The following GNAI1 variants were observed in gnomAD, a reference collection of about 807,000 sequenced individuals.
GNAI1 encodes the protein guanine nucleotide-binding protein G(i) subunit alpha-1.
A neutral mutation model predicts 38.9 loss-of-function variants in GNAI1; 11 were observed. That is an observed-to-expected ratio of 0.28 (90% confidence interval 0.18 to 0.47). The LOEUF (loss-of-function observed/expected upper bound fraction) is 0.47, where lower values mean the gene tolerates loss of function less well. GNAI1 is among the 20% of genes least tolerant of loss of function. The probability of loss-of-function intolerance (pLI) is 0.99; values close to 1 mark genes in which losing one functional copy is unlikely to be tolerated. For missense variants in GNAI1, 317 were observed against 436.9 expected, an observed-to-expected ratio of 0.73 and a Z score of 2.45; for synonymous variants, 166 against 145.1, an observed-to-expected ratio of 1.14 and a Z score of -1.04.
chr7:80,154,772 TATTTAC>T (rs1406769668), intron 1 of GNAI1, among the ~76,000 whole-genome samples: 2 of 152,214 alleles, frequency 1.3e-5, no homozygotes, highest in Admixed American at 1.3e-4. Flanking sequence ...TTGAAAATGG[TATTTAC>T]ATTTGCAAGA....
chr7:80,212,199 G>A (rs78645351), intron 6 of GNAI1, among the ~76,000 whole-genome samples: 13,341 of 152,150 alleles, frequency 0.088, 1,007 homozygotes, highest in East Asian at 0.41. Flanking sequence ...ACTATAAAAT[G>A]TATCAGTGCC....
intron 1 of GNAI1, among the ~76,000 whole-genome samples, chr7:80,167,437 G>T (rs2116146221): frequency 6.6e-6 from 1 of 152,262 alleles, no homozygotes; most frequent in African/African-American, 2.4e-5. Flanking sequence ...TTCACCTGGA[G>T]TAGTAGCTCC....
intron 6 of GNAI1, among the ~76,000 whole-genome samples, chr7:80,211,314 C>G (rs112367215): frequency 1.3e-5 from 2 of 152,094 alleles, no homozygotes; most frequent in African/African-American, 4.8e-5. Context: ...GTAAGCTTAA[C>G]TATGCATTTC....
chr7:80,179,374 TC>T (rs1788251945), intron 1 of GNAI1, among the ~76,000 whole-genome samples: 1 of 152,190 alleles, frequency 6.6e-6, no homozygotes, highest in African/African-American at 2.4e-5. Context: ...GATGTCCATT[TC>T]TAACCAAATC....
chr7:80,162,585 A>G (rs1356875320), intron 1 of GNAI1, among the ~76,000 whole-genome samples: 1 of 152,182 alleles, frequency 6.6e-6, no homozygotes, highest in East Asian at 1.9e-4. Flanking sequence ...TCAGCTTTAT[A>G]TTTTCGAAGA....
chr7:80,177,504 A>G (rs984502655), intron 1 of GNAI1, among the ~76,000 whole-genome samples: 1 of 152,112 alleles, frequency 6.6e-6, no homozygotes, highest in Non-Finnish European at 1.5e-5. Context: ...GTTTTTAGAG[A>G]CAAGATCTTG....
chr7:80,197,900 AC>A (rs1788608206), intron 3 of GNAI1, among the ~76,000 whole-genome samples: 1 of 152,044 alleles, frequency 6.6e-6, no homozygotes, highest in Admixed American at 6.6e-5. Flanking sequence ...TCTCTTCTAT[AC>A]CCCTTATAAT....
intron 1 of GNAI1, among the ~76,000 whole-genome samples, chr7:80,149,960 A>G (rs1787695641): frequency 6.6e-6 from 1 of 152,154 alleles, no homozygotes. Flanking sequence ...TACATACCCT[A>G]ACAAAGTGGG....
At chr7:80,135,358 C>T (rs937664702) in intron 1 of GNAI1, 80 bp downstream of exon 1, 3 of 848,914 alleles carry the variant, frequency 3.5e-6, no homozygotes, top group Non-Finnish European at 4.9e-6. Context: ...TTTGGAAACC[C>T]GGAGGGAAGG....
At chr7:80,201,108 A>G (rs1788678974) in intron 4 of GNAI1, among the ~76,000 whole-genome samples, 1 of 152,206 alleles carries the variant, frequency 6.6e-6, no homozygotes, top group African/African-American at 2.4e-5. Context: ...CTTGTTTAAT[A>G]ATGAATGAAT....
intron 1 of GNAI1, among the ~76,000 whole-genome samples, chr7:80,180,563 C>G (rs1477631974): frequency 6.6e-6 from 1 of 152,050 alleles, no homozygotes; most frequent in African/African-American, 2.4e-5. Flanking sequence ...GTACAGATGC[C>G]TCATTAACCT....
rs1172192097 is a variant in GNAI1, at chr7:80,223,010, ATC to A, written c.*5520_*5521del. Among the ~76,000 whole-genome samples the A allele has an allele frequency of 1.3e-5, 2 of 152,232 alleles. No homozygotes were observed. The highest frequency in any genetic ancestry group is 1.5e-5 in the Non-Finnish European group (1 of 68,036). On this transcript the variant is annotated 3_prime_UTR_variant, in exon 8 of 8. Transcript: ENST00000649796. ...TAAAGCCTATTTTACAATAAAGGAT[ATC>A]TCATGTAATTTTCTTGGATACTGTA...
chr7:80,141,722 C>G (rs1787529430), intron 1 of GNAI1, among the ~76,000 whole-genome samples: 1 of 152,228 alleles, frequency 6.6e-6, no homozygotes, highest in Middle Eastern at 3.4e-3. Context: ...TCACCTTTTT[C>G]CTGTCCCGTT....
rs904186942 is a variant in GNAI1, at chr7:80,223,333, A to G, written c.*5840A>G. 6.6e-6 allele frequency among the ~76,000 whole-genome samples: 1 copy of G among 152,306 alleles called. No individual in the cohort carries two copies. The highest frequency in any genetic ancestry group is 2.1e-4 in the South Asian group (1 of 4,816). ...TTGTTTTTGCTAAATTAGACATACA[A>G]TTTTGCAGTTATTTTTTACTAAGTT... On this transcript the variant is annotated 3_prime_UTR_variant, in exon 8 of 8. Coordinates refer to ENST00000649796, the MANE Select transcript of GNAI1 (RefSeq NM_002069.6).
At position 80,221,020 on chromosome 7, in the gene GNAI1, C is replaced by T. The variant is rs1196657837; in HGVS notation, c.*3527C>T. Among the ~76,000 whole-genome samples the T allele has an allele frequency of 2.6e-5, 4 of 152,228 alleles. No homozygotes were observed. Among genetic ancestry groups the T allele is most frequent in the African/African-American group, 7.2e-5 (3 of 41,528 alleles). ...AGTTACCATTTTTTACATCATTTGC[C>T]GTTTGCAGAACCACCTTATGTAAAT... is the stretch of plus-strand genomic sequence containing the variant. On this transcript the variant is annotated 3_prime_UTR_variant, in exon 8 of 8. Coordinates refer to ENST00000649796, the MANE Select transcript of GNAI1 (RefSeq NM_002069.6).
chr7:80,161,700 TG>T (rs1787926644), intron 1 of GNAI1, among the ~76,000 whole-genome samples: 1 of 152,200 alleles, frequency 6.6e-6, no homozygotes, highest in Non-Finnish European at 1.5e-5. Context: ...GTTTCTAAAG[TG>T]GGAGCTCCAC....
At position 80,154,570 on chromosome 7, in the gene GNAI1, T is replaced by A. The variant is rs193183295; in HGVS notation, c.118+19292T>A. On this transcript the variant is annotated intron_variant, in intron 1 of 7. Transcript: ENST00000649796. ...CTGGGGCTTCAGTTTTTATTTGGAT[T>A]CTTCTTACATAAACAAGCCTCTAGC... Among the ~76,000 whole-genome samples the A allele has an allele frequency of 2.3e-3, 353 of 152,322 alleles. 3 individuals carry two copies. The highest frequency in any genetic ancestry group is 8.1e-3 in the African/African-American group (336 of 41,586).
chr7:80,202,899 C>T (rs1219229353), intron 4 of GNAI1, among the ~76,000 whole-genome samples: 1 of 152,302 alleles, frequency 6.6e-6, no homozygotes, highest in South Asian at 2.1e-4. Flanking sequence ...GGGGCAGTGT[C>T]ATTCCTTTTC....
At chr7:80,160,034 T>A (rs1198588474) in intron 1 of GNAI1, among the ~76,000 whole-genome samples, 12 of 152,114 alleles carry the variant, frequency 7.9e-5, no homozygotes, top group Admixed American at 6.6e-4. Context: ...AAGGAATCCC[T>A]CCTGTTACTT....
Sources: gnomAD v4.1 joint callset for allele counts (sites outside exome capture counted in the v4.1 genomes callset) on GRCh38, gnomAD v4.1.1 for gene constraint, MANE v1.5 for transcripts, NCBI Gene and HGNC (gene_info 2026-07-23, HGNC 2026-07-21) for gene names.